Variants in CNTLN observed in about 807,000 individuals in gnomAD.
CNTLN encodes the protein centlein, centrosomal protein.
CNTLN carries 212 observed loss-of-function variants against 180.0 expected under a neutral mutation model. The observed-to-expected ratio is 1.18, with a 90% CI of 1.05 to 1.32. The LOEUF is 1.32. Ranked by LOEUF, CNTLN falls within the 40% of genes most tolerant of loss-of-function variation. The pLI is 0.00. For missense variants in CNTLN, 2,095 were observed against 1,610.9 expected (o/e 1.30, Z -5.14); for synonymous variants, 722 against 563.1 (o/e 1.28, Z -3.99).
At chr9:17,279,151 C>T (rs935019791) in intron 6 of CNTLN, among the ~76,000 whole-genome samples, 3 of 152,002 alleles carry the variant, frequency 2.0e-5, no homozygotes, top group African/African-American at 7.2e-5. Flanking sequence ...TCTGTATACT[C>T]TGGAAATAAG....
chr9:17,364,292 A>G (rs773662286), intron 12 of CNTLN, among the ~76,000 whole-genome samples: 21 of 152,050 alleles, frequency 1.4e-4, no homozygotes, highest in Admixed American at 3.3e-4. Context: ...CATGTTTTGT[A>G]TACCTCTACT....
chr9:17,509,651 C>A, the CNTLN span, among the ~76,000 whole-genome samples: 1 of 152,132 alleles, frequency 6.6e-6, no homozygotes, highest in Non-Finnish European at 1.5e-5. Context: ...AGGCTGTATA[C>A]ACTTGAAATC....
chr9:17,513,692 C>T, the CNTLN span, among the ~76,000 whole-genome samples: 175 of 151,342 alleles, frequency 1.2e-3, 2 homozygotes, highest in African/African-American at 4.1e-3. Flanking sequence ...CAACAGAATG[C>T]GACCCTGTCT....
intron 2 of CNTLN, among the ~76,000 whole-genome samples, chr9:17,220,865 AT>A (rs1824088144): frequency 6.6e-6 from 1 of 152,070 alleles, no homozygotes; most frequent in Non-Finnish European, 1.5e-5. Context: ...ATTTATGTTG[AT>A]TCCATGTCTT....
At chr9:17,198,695 A>G (rs1177022556) in intron 2 of CNTLN, among the ~76,000 whole-genome samples, 1 of 149,854 alleles carries the variant, frequency 6.7e-6, no homozygotes, top group Non-Finnish European at 1.5e-5. Context: ...CCACTCCCCA[A>G]CAGGCCCCTG....
At chr9:17,188,731 A>T (rs1821593913) in intron 2 of CNTLN, among the ~76,000 whole-genome samples, 1 of 152,064 alleles carries the variant, frequency 6.6e-6, no homozygotes. Context: ...TATTTTTCAC[A>T]TCTAGAGGTT....
At chr9:17,340,550 A>G (rs1208350006) in intron 10 of CNTLN, among the ~76,000 whole-genome samples, 1 of 152,208 alleles carries the variant, frequency 6.6e-6, no homozygotes, top group Admixed American at 6.5e-5. Context: ...ATGTATACTA[A>G]TTAACAACAG....
chr9:17,334,141 C>A (rs1286339308), intron 10 of CNTLN, among the ~76,000 whole-genome samples: 2 of 151,994 alleles, frequency 1.3e-5, no homozygotes, highest in African/African-American at 4.8e-5. Context: ...CTCACTGCAC[C>A]CTCTGCCTCC....
At chr9:17,528,315 G>A in the CNTLN span, among the ~76,000 whole-genome samples, 1 of 152,220 alleles carries the variant, frequency 6.6e-6, no homozygotes, top group Non-Finnish European at 1.5e-5. Context: ...AATACTGTGT[G>A]TACCTTCACA....
rs117134992 is a variant in CNTLN at position 17,249,725 on chromosome 9, T to G, written c.849+13137T>G. Among the ~76,000 whole-genome samples the G allele has an allele frequency of 6.1e-3, 921 of 151,980 alleles. 8 individuals are homozygous for G. Among genetic ancestry groups the G allele is most frequent in the Admixed American group, 9.5e-3 (144 of 15,212 alleles). On this transcript the variant is annotated intron_variant, in intron 5 of 25. Coordinates refer to ENST00000380647, the MANE Select transcript of CNTLN (RefSeq NM_017738.4). ...GCTGTGGATTTCTAGCTTCATTCCA[T>G]TTTATTTAGAGAAGATCCTTTGTGT...
At chr9:17,363,992 C>A (rs1275071389) in intron 12 of CNTLN, among the ~76,000 whole-genome samples, 1 of 152,060 alleles carries the variant, frequency 6.6e-6, no homozygotes, top group Non-Finnish European at 1.5e-5. Flanking sequence ...TTCCAGAGAT[C>A]TTTAGTTGTT....
At chr9:17,519,091 T>C in the CNTLN span, among the ~76,000 whole-genome samples, 4 of 151,938 alleles carry the variant, frequency 2.6e-5, no homozygotes, top group Non-Finnish European at 5.9e-5. Context: ...CCTAGTTATT[T>C]ATTTATTTAT....
rs185285476 is a variant in CNTLN at position 17,361,194 on chromosome 9, A to C, written c.1887-5423A>C. Among the ~76,000 whole-genome samples the C allele has an allele frequency of 1.2e-3, 185 of 152,122 alleles. 1 individual carries two copies. Among genetic ancestry groups the C allele is most frequent in the African/African-American group, 4.2e-3 (173 of 41,494 alleles). ...TCATTTAGCATTAGATATATCTCCT[A>C]ATGCTATCCCTCCCCCGTCTCCCCA... On this transcript the variant is annotated intron_variant, in intron 12 of 25. Transcript: ENST00000380647.
At chr9:17,216,235 A>C (rs889488927) in intron 2 of CNTLN, among the ~76,000 whole-genome samples, 1 of 152,208 alleles carries the variant, frequency 6.6e-6, no homozygotes, top group African/African-American at 2.4e-5. Context: ...TTAAGAACAC[A>C]AGCCGTTGAG....
intron 13 of CNTLN, among the ~76,000 whole-genome samples, chr9:17,376,701 T>G (rs2133547810): frequency 6.6e-6 from 1 of 152,250 alleles, no homozygotes; most frequent in East Asian, 1.9e-4. Flanking sequence ...TCTGCCCACT[T>G]TGGCCTCCCA....
chr9:17,209,858 A>G (rs1563883215), intron 2 of CNTLN, among the ~76,000 whole-genome samples: 1 of 152,148 alleles, frequency 6.6e-6, no homozygotes, highest in Non-Finnish European at 1.5e-5. Context: ...GGCAATTTTG[A>G]TATTCACCTT....
chr9:17,170,712 C>T (rs1409060759), intron 2 of CNTLN, among the ~76,000 whole-genome samples: 1 of 151,780 alleles, frequency 6.6e-6, no homozygotes, highest in African/African-American at 2.4e-5. Flanking sequence ...CTTTATATAT[C>T]ATTTAATCAT....
intron 2 of CNTLN, among the ~76,000 whole-genome samples, chr9:17,184,474 G>A (rs1821312119): frequency 6.6e-6 from 1 of 152,110 alleles, no homozygotes; most frequent in African/African-American, 2.4e-5. Context: ...TTTCAAGAAT[G>A]AACATTAATG....
At chr9:17,245,540 A>G (rs2132231294) in intron 5 of CNTLN, among the ~76,000 whole-genome samples, 1 of 150,464 alleles carries the variant, frequency 6.6e-6, no homozygotes, top group Non-Finnish European at 1.5e-5. Flanking sequence ...GGTTACATCT[A>G]CTTCATGGTC....
Sources: gnomAD v4.1 joint callset for allele counts (sites outside exome capture counted in the v4.1 genomes callset) on GRCh38, gnomAD v4.1.1 for gene constraint, MANE v1.5 for transcripts, NCBI Gene and HGNC (gene_info 2026-07-23, HGNC 2026-07-21) for gene names.